Variants in RPF2 observed in about 807,000 individuals in gnomAD.
RPF2 encodes brix domain containing 1.
A neutral mutation model predicts 38.9 loss-of-function variants in RPF2; 21 were observed. The observed-to-expected ratio is 0.54, with a 90% CI of 0.38 to 0.78. The LOEUF (loss-of-function observed/expected upper bound fraction) is 0.78, where lower values mean the gene tolerates loss of function less well. Ranked by LOEUF, RPF2 falls within the 30% of genes least tolerant of loss-of-function variation. The pLI, the probability that RPF2 is intolerant of heterozygous loss-of-function variation, is 0.00. For missense variants in RPF2, 314 were observed against 358.1 expected, an observed-to-expected ratio of 0.88 and a Z score of 0.99; for synonymous variants, 121 against 126.2, an observed-to-expected ratio of 0.96 and a Z score of 0.28.
intron 7 of RPF2, among the ~76,000 whole-genome samples, chr6:111,014,030 A>G (rs1294596428): frequency 6.6e-6 from 1 of 150,616 alleles, no homozygotes; most frequent in Non-Finnish European, 1.5e-5. Flanking sequence ...AAAAATGTTC[A>G]TTAGTTTTTT....
chr6:110,982,130 G>GT lies in RPF2; in HGVS notation c.23+2dup, dbSNP rs760120348. 6 of 1,614,220 alleles carry GT rather than the reference G, an allele frequency of 3.7e-6. No individual in the cohort carries two copies. Among genetic ancestry groups the GT allele is most frequent in the South Asian group, 2.2e-5 (2 of 91,092 alleles). ...CGATGGACACTCTGGATCGAGTAGT[G>GT]TAAGTGCGCTGGGTCTCAGCCCCGG... On this transcript the variant is annotated splice_donor_variant, in intron 1 of 9. Transcript: ENST00000441448. LOFTEE classifies it high-confidence loss of function.
chr6:111,021,540 TACTGACCTGGC>T (rs1415473583), intron 8 of RPF2, among the ~76,000 whole-genome samples: 1 of 152,188 alleles, frequency 6.6e-6, no homozygotes, highest in African/African-American at 2.4e-5. Flanking sequence ...CCTCTGAGCC[TACTGACCTGGC>T]TCTGAGCTGG....
At chr6:111,001,765 G>T (rs1771815081) in intron 6 of RPF2, among the ~76,000 whole-genome samples, 1 of 152,114 alleles carries the variant, frequency 6.6e-6, no homozygotes, top group Admixed American at 6.6e-5. Context: ...TAGTGGGAGG[G>T]AGCACTGGCT....
intron 8 of RPF2, among the ~76,000 whole-genome samples, chr6:111,019,917 C>CTTTTT (rs763096502): frequency 1.0e-3 from 152 of 148,976 alleles, no homozygotes; most frequent in Middle Eastern, 3.5e-3. Flanking sequence ...TCTTTTCTTT[C>CTTTTT]TTTTGTTTTT....
At chr6:111,009,149 G>A (rs1342463094) in intron 7 of RPF2, among the ~76,000 whole-genome samples, 1 of 152,140 alleles carries the variant, frequency 6.6e-6, no homozygotes, top group East Asian at 1.9e-4. Context: ...TCCACCTCCC[G>A]GGTTCACACC....
chr6:111,025,483 C>T lies in RPF2; in HGVS notation c.822C>T (p.Ser274=), dbSNP rs775963504. ...GRIHMQKQDL[S]KLQTRKMKGL... ...TTCATATGCAGAAGCAAGACCTAAG[C>T]AAACTACAAACCAGGAAAATGAAGG... Residue 274 remains serine, a synonymous_variant, in exon 10 of 10, where the codon AGC becomes AGT. Coordinates refer to ENST00000441448, the MANE Select transcript of RPF2 (RefSeq NM_032194.3). 1 of 1,613,296 alleles carries T rather than the reference C, an allele frequency of 6.2e-7. No homozygotes were observed.
intron 7 of RPF2, among the ~76,000 whole-genome samples, chr6:111,012,647 C>A (rs1340583978): frequency 6.6e-6 from 1 of 151,994 alleles, no homozygotes; most frequent in African/African-American, 2.4e-5. Context: ...ACTTAGGTCT[C>A]TCCAAAGTAC....
At chr6:111,000,507 AACC>A (rs1228876900) in intron 6 of RPF2, among the ~76,000 whole-genome samples, 3 of 152,230 alleles carry the variant, frequency 2.0e-5, no homozygotes, top group African/African-American at 7.2e-5. Flanking sequence ...GTTGGTTACT[AACC>A]ACCAAATGGC....
At chr6:111,003,082 C>A (rs770530444) in intron 6 of RPF2, among the ~76,000 whole-genome samples, 2 of 120,060 alleles carry the variant, frequency 1.7e-5, no homozygotes, top group Non-Finnish European at 3.6e-5. Context: ...ATTTTTTACC[C>A]CCCCCCCTTT....
Position 111,027,133 on chromosome 6 carries a change from A to G in RPF2, c.*1551A>G, listed in dbSNP as rs1441605824. On this transcript the variant is annotated 3_prime_UTR_variant, in exon 10 of 10. Transcript: ENST00000441448. ...TGCCTTTATGTAAGCTTGCTCAGCT[A>G]CAGATCAACAATGCTGGCACTAAGC... 3 of 152,158 alleles carry G rather than the reference A, an allele frequency of 2.0e-5. No homozygotes were observed. Among genetic ancestry groups the G allele is most frequent in the African/African-American group, 4.8e-5 (2 of 41,434 alleles). The allele number at this position is 152,158 out of a possible 1,614,324, so 9.4% of individuals were successfully genotyped here.
chr6:110,982,262 G>C, intron 1 of RPF2, 133 bp downstream of exon 1: 1 of 1,003,974 alleles, frequency 1.0e-6, no homozygotes, highest in Non-Finnish European at 1.5e-6. Flanking sequence ...TCGATCACCA[G>C]CCCGGGTCCT....
chr6:111,021,193 T>C (rs1772228399), intron 8 of RPF2, among the ~76,000 whole-genome samples: 1 of 151,424 alleles, frequency 6.6e-6, no homozygotes, highest in Non-Finnish European at 1.5e-5. Context: ...AAAACAAAAA[T>C]AAAAAACTAG....
At chr6:111,014,938 G>A (rs1309949443) in intron 7 of RPF2, among the ~76,000 whole-genome samples, 1 of 152,084 alleles carries the variant, frequency 6.6e-6, no homozygotes, top group East Asian at 1.9e-4. Flanking sequence ...ACTACAACCT[G>A]GCTAATTTTT....
intron 7 of RPF2, among the ~76,000 whole-genome samples, chr6:111,010,523 C>T (rs1771993757): frequency 6.6e-6 from 1 of 152,208 alleles, no homozygotes. Flanking sequence ...CACTGATACT[C>T]TCAAAGCAGC....
chr6:111,010,608 A>G (rs759060880), intron 7 of RPF2, among the ~76,000 whole-genome samples: 4 of 152,170 alleles, frequency 2.6e-5, no homozygotes, highest in Non-Finnish European at 5.9e-5. Flanking sequence ...GGCCTTGTCT[A>G]CTTTATTCCA....
intron 3 of RPF2, among the ~76,000 whole-genome samples, chr6:110,989,774 C>T (rs947180990): frequency 6.6e-6 from 1 of 151,826 alleles, no homozygotes; most frequent in African/African-American, 2.4e-5. Context: ...AGGCATGCAC[C>T]TCCATGCCCA....
At chr6:110,989,538 A>G (rs867841070) in intron 3 of RPF2, among the ~76,000 whole-genome samples, 1 of 151,098 alleles carries the variant, frequency 6.6e-6, no homozygotes, top group South Asian at 2.1e-4. Context: ...ACAACCTCTA[A>G]CTCTGGGTTC....
intron 6 of RPF2, among the ~76,000 whole-genome samples, chr6:111,005,179 G>A (rs573162066): frequency 1.3e-5 from 2 of 152,320 alleles, no homozygotes; most frequent in East Asian, 1.9e-4. Context: ...AAGGTTCCGG[G>A]TTTGGAAGTA....
chr6:111,014,215 C>A (rs1419232921), intron 7 of RPF2, among the ~76,000 whole-genome samples: 1 of 151,606 alleles, frequency 6.6e-6, no homozygotes, highest in Non-Finnish European at 1.5e-5. Flanking sequence ...CGGCTCACTG[C>A]AATCTCCGCC....
Sources: allele counts gnomAD v4.1 joint callset (sites outside exome capture counted in the v4.1 genomes callset), GRCh38; gene constraint gnomAD v4.1.1; transcripts MANE v1.5; gene names NCBI Gene and HGNC (gene_info 2026-07-23, HGNC 2026-07-21).